Variants in SEMA6D observed in about 807,000 individuals in gnomAD.
The protein encoded by SEMA6D is semaphorin-6D.
A neutral mutation model predicts 106.6 loss-of-function variants in SEMA6D; 35 were observed. That is an observed-to-expected ratio of 0.33 (90% confidence interval 0.25 to 0.44). The LOEUF is 0.44. SEMA6D is among the 20% of genes least tolerant of loss of function. The probability of loss-of-function intolerance (pLI) is 1.00; values close to 1 mark genes in which losing one functional copy is unlikely to be tolerated. For missense variants in SEMA6D, 1,185 were observed against 1,345.9 expected (o/e 0.88, Z 1.87); for synonymous variants, 499 against 487.7 (o/e 1.02, Z -0.31).
chr15:47,401,971 T>C (rs1243017603), intron 1 of SEMA6D, among the ~76,000 whole-genome samples: 1 of 152,200 alleles, frequency 6.6e-6, no homozygotes, highest in African/African-American at 2.4e-5. Flanking sequence ...CAAGCCAGAA[T>C]TGGTTTTTTA....
In SEMA6D at chr15:47,772,868, AAAC is replaced by A. The variant is rs2082694027; in HGVS notation, c.*1086_*1088del. 2 of 145,180 alleles carry A rather than the reference AAAC, an allele frequency of 1.4e-5. No individual in the cohort carries two copies. Among genetic ancestry groups the A allele is most frequent in the African/African-American group, 5.0e-5 (2 of 39,636 alleles). 9.0% of individuals were successfully genotyped at this position (145,180 alleles called of 1,614,324 possible). ...CCTACCCCCCAAGGTAAGAAACAAA[AAAC>A]AAACAAACAAACAAAAATAGAAGAC... On this transcript the variant is annotated 3_prime_UTR_variant, in exon 19 of 19. Transcript: ENST00000536845.
At chr15:47,261,282 A>G (rs2034065772) in intron 1 of SEMA6D, among the ~76,000 whole-genome samples, 1 of 152,148 alleles carries the variant, frequency 6.6e-6, no homozygotes, top group Non-Finnish European at 1.5e-5. Flanking sequence ...TCTCTATTGT[A>G]TTGGTAGCAC....
intron 4 of SEMA6D, among the ~76,000 whole-genome samples, chr15:47,677,297 G>T (rs2078266070): frequency 6.6e-6 from 1 of 152,176 alleles, no homozygotes; most frequent in Admixed American, 6.5e-5. Context: ...TGGGGCTGTT[G>T]ATTGTATTGC....
At chr15:47,293,788 C>G (rs1248758308) in intron 1 of SEMA6D, among the ~76,000 whole-genome samples, 1 of 152,154 alleles carries the variant, frequency 6.6e-6, no homozygotes, top group African/African-American at 2.4e-5. Flanking sequence ...ACAATGATGG[C>G]AGGAATGCAC....
chr15:47,708,184 A>G (rs766784987), intron 4 of SEMA6D, among the ~76,000 whole-genome samples: 1 of 152,220 alleles, frequency 6.6e-6, no homozygotes, highest in Non-Finnish European at 1.5e-5. Flanking sequence ...TCCTAAAAAA[A>G]TCTGTCTTCT....
chr15:47,502,284 T>C (rs1400057596), intron 3 of SEMA6D, among the ~76,000 whole-genome samples: 1 of 152,134 alleles, frequency 6.6e-6, no homozygotes, highest in Non-Finnish European at 1.5e-5. Context: ...TCTACAAGGG[T>C]TTGATTAAAT....
chr15:47,298,762 TC>T (rs1219702142), intron 1 of SEMA6D, among the ~76,000 whole-genome samples: 1 of 152,166 alleles, frequency 6.6e-6, no homozygotes, highest in African/African-American at 2.4e-5. Flanking sequence ...AACCAACTCT[TC>T]TGACCCAGCT....
intron 2 of SEMA6D, among the ~76,000 whole-genome samples, chr15:47,464,531 C>G (rs2042603571): frequency 6.6e-6 from 1 of 152,092 alleles, no homozygotes. Flanking sequence ...GTGTATTCCA[C>G]ATCTGGGCCT....
At chr15:47,556,433 T>G (rs1214361948) in intron 3 of SEMA6D, among the ~76,000 whole-genome samples, 1 of 152,182 alleles carries the variant, frequency 6.6e-6, no homozygotes, top group African/African-American at 2.4e-5. Flanking sequence ...AATAAATTTT[T>G]CTGAGAACGC....
intron 3 of SEMA6D, among the ~76,000 whole-genome samples, chr15:47,570,627 C>G (rs2046355881): frequency 1.3e-5 from 2 of 152,160 alleles, no homozygotes; most frequent in South Asian, 2.1e-4. Flanking sequence ...GCTGGTCAGC[C>G]CCAGTGCTGC....
chr15:47,673,891 C>T (rs556139974), intron 4 of SEMA6D, among the ~76,000 whole-genome samples: 1 of 152,328 alleles, frequency 6.6e-6, no homozygotes, highest in South Asian at 2.1e-4. Context: ...AGGCTATGTC[C>T]TCAGGCTGTG....
At chr15:47,236,493 T>C (rs938527209) in intron 1 of SEMA6D, among the ~76,000 whole-genome samples, 6 of 152,128 alleles carry the variant, frequency 3.9e-5, no homozygotes, top group Non-Finnish European at 7.4e-5. Context: ...TATACAGCAG[T>C]TTTAAAATGG....
intron 2 of SEMA6D, among the ~76,000 whole-genome samples, chr15:47,467,908 G>A (rs2042711929): frequency 6.6e-6 from 1 of 151,906 alleles, no homozygotes; most frequent in Non-Finnish European, 1.5e-5. Flanking sequence ...TTAATTTTAC[G>A]GCCTTAGTGT....
intron 18 of SEMA6D, among the ~76,000 whole-genome samples, chr15:47,770,032 A>C (rs1336200539): frequency 6.6e-6 from 1 of 152,172 alleles, no homozygotes; most frequent in Non-Finnish European, 1.5e-5. Context: ...AGTTAGTATA[A>C]TTGTATCAGA....
At chr15:47,217,874 T>TACACACAA (rs2030809492) in intron 1 of SEMA6D, among the ~76,000 whole-genome samples, 1 of 143,034 alleles carries the variant, frequency 7.0e-6, no homozygotes, top group Non-Finnish European at 1.5e-5. Context: ...TGTACACACA[T>TACACACAA]ACACACACAC....
chr15:47,709,069 A>G (rs1271591716), intron 4 of SEMA6D, among the ~76,000 whole-genome samples: 4 of 152,108 alleles, frequency 2.6e-5, no homozygotes, highest in Non-Finnish European at 4.4e-5. Context: ...TTTGTCTTCA[A>G]GTGAGGTTGA....
intron 1 of SEMA6D, among the ~76,000 whole-genome samples, chr15:47,386,557 G>A (rs2039845887): frequency 6.6e-6 from 1 of 152,166 alleles, no homozygotes; most frequent in Non-Finnish European, 1.5e-5. Flanking sequence ...TGAAAGTTCC[G>A]CAAGGCCATC....
intron 3 of SEMA6D, among the ~76,000 whole-genome samples, chr15:47,567,352 TG>T (rs760975562): frequency 2.0e-5 from 3 of 152,210 alleles, no homozygotes; most frequent in Non-Finnish European, 2.9e-5. Flanking sequence ...AGGAAAAATA[TG>T]TATGCATATT....
intron 3 of SEMA6D, among the ~76,000 whole-genome samples, chr15:47,474,372 A>G (rs1333304767): frequency 6.6e-6 from 1 of 152,200 alleles, no homozygotes; most frequent in African/African-American, 2.4e-5. Flanking sequence ...TGTTTGCTCA[A>G]TATTTGTTTT....
Sources: allele counts gnomAD v4.1 joint callset (sites outside exome capture counted in the v4.1 genomes callset), GRCh38; gene constraint gnomAD v4.1.1; transcripts MANE v1.5; gene names NCBI Gene and HGNC (gene_info 2026-07-23, HGNC 2026-07-21).